Variants in PTPRD observed in about 807,000 individuals in gnomAD.
The protein encoded by PTPRD is receptor-type tyrosine-protein phosphatase delta.
PTPRD carries 34 observed loss-of-function variants against 214.5 expected under a neutral mutation model. The observed-to-expected ratio is 0.16, with a 90% confidence interval of 0.12 to 0.21. The LOEUF is 0.21. PTPRD is among the 10% of genes least tolerant of loss of function. PTPRD has a pLI of 1.00. For synonymous variants in PTPRD, 1,128 were observed against 845.7 expected (o/e 1.33, Z -5.79); for missense variants, 2,545 against 2,398.7 (o/e 1.06, Z -1.27).
At chr9:8,643,563 G>A (rs924423435) in intron 12 of PTPRD, among the ~76,000 whole-genome samples, 4 of 152,144 alleles carry the variant, frequency 2.6e-5, no homozygotes, top group Non-Finnish European at 4.4e-5. Flanking sequence ...CAGGGCATAG[G>A]GGAAGCGGGG....
chr9:9,254,287 C>A (rs1026234220), intron 9 of PTPRD, among the ~76,000 whole-genome samples: 1 of 151,852 alleles, frequency 6.6e-6, no homozygotes, highest in Non-Finnish European at 1.5e-5. Context: ...CAAAGTAAGT[C>A]TATATATTTT....
At chr9:8,429,709 G>A (rs1250472584) in intron 35 of PTPRD, among the ~76,000 whole-genome samples, 2 of 152,130 alleles carry the variant, frequency 1.3e-5, no homozygotes, top group Admixed American at 6.5e-5. Flanking sequence ...GGTGCTGAAT[G>A]GTGGGAGACA....
At chr9:8,463,065 T>C (rs1282561618) in intron 32 of PTPRD, among the ~76,000 whole-genome samples, 2 of 151,884 alleles carry the variant, frequency 1.3e-5, no homozygotes, top group Non-Finnish European at 1.5e-5. Context: ...TTGGTACATA[T>C]ATTTAAATGT....
At chr9:10,082,275 C>G (rs2098251715) in intron 3 of PTPRD, among the ~76,000 whole-genome samples, 1 of 152,114 alleles carries the variant, frequency 6.6e-6, no homozygotes, top group African/African-American at 2.4e-5. Flanking sequence ...AGAATTATCT[C>G]TCATCACCTT....
intron 3 of PTPRD, among the ~76,000 whole-genome samples, chr9:10,254,001 T>G (rs2093022564): frequency 6.6e-6 from 1 of 152,184 alleles, no homozygotes; most frequent in Non-Finnish European, 1.5e-5. Context: ...AATACATATG[T>G]AATTATGTTG....
chr9:8,972,652 A>G (rs996565618), intron 11 of PTPRD, among the ~76,000 whole-genome samples: 1 of 151,964 alleles, frequency 6.6e-6, no homozygotes, highest in Non-Finnish European at 1.5e-5. Flanking sequence ...TTCTTATAAA[A>G]ACACTTCACG....
chr9:8,520,667 T>C (rs2097870509), intron 20 of PTPRD, among the ~76,000 whole-genome samples: 1 of 152,174 alleles, frequency 6.6e-6, no homozygotes, highest in South Asian at 2.1e-4. Context: ...AAAATATTCA[T>C]GTAATATAGT....
At chr9:9,152,790 T>G (rs556245858) in intron 10 of PTPRD, among the ~76,000 whole-genome samples, 7 of 152,274 alleles carry the variant, frequency 4.6e-5, no homozygotes, top group African/African-American at 1.4e-4. Flanking sequence ...GGCTGTTGAG[T>G]AGACTTTGCA....
rs1166530719 is a variant in PTPRD, at chr9:8,439,935, A to ATTTTTTTTTTTTTTTT, written c.3989-3262_3989-3247dup. Among the ~76,000 whole-genome samples, 86 of 73,304 alleles carry ATTTTTTTTTTTTTTTT rather than the reference A, an allele frequency of 1.2e-3. 8 individuals are homozygous for ATTTTTTTTTTTTTTTT. The highest frequency in any genetic ancestry group is 1.9e-3 in the Non-Finnish European group (75 of 40,500). The allele number at this position is 73,304 out of a possible 152,430, so 48.1% of individuals were successfully genotyped here. A position where few individuals can be genotyped will look rare whatever the true frequency, so the allele number is the denominator to read the frequency against. ...CATTTAAATTACTTGATGTGCTTTA[A>ATTTTTTTTTTTTTTTT]TTTTTTTTTTTTTTTTTTTTTTTTT... On this transcript the variant is annotated intron_variant, in intron 34 of 45. Transcript: ENST00000381196.
chr9:9,058,596 C>T (rs1320577225), intron 10 of PTPRD, among the ~76,000 whole-genome samples: 1 of 150,616 alleles, frequency 6.6e-6, no homozygotes, highest in Non-Finnish European at 1.5e-5. Context: ...ACTACAGGCT[C>T]CCGCCACCTC....
intron 7 of PTPRD, among the ~76,000 whole-genome samples, chr9:9,707,877 T>C (rs2097654483): frequency 6.6e-6 from 1 of 151,992 alleles, no homozygotes; most frequent in Non-Finnish European, 1.5e-5. Context: ...TGAAATTCCT[T>C]AGTCCTGTTA....
chr9:8,757,422 A>T (rs1445432428), intron 11 of PTPRD, among the ~76,000 whole-genome samples: 1 of 152,006 alleles, frequency 6.6e-6, no homozygotes, highest in African/African-American at 2.4e-5. Flanking sequence ...ACATTATCAG[A>T]AACTAATAAA....
intron 4 of PTPRD, among the ~76,000 whole-genome samples, chr9:9,940,724 C>T (rs2091223411): frequency 6.6e-6 from 1 of 152,134 alleles, no homozygotes; most frequent in Admixed American, 6.5e-5. Flanking sequence ...GAGCTCTTCA[C>T]CACTTGTTCT....
intron 39 of PTPRD, among the ~76,000 whole-genome samples, chr9:8,357,395 C>G (rs1000307671): frequency 1.3e-5 from 2 of 152,188 alleles, no homozygotes; most frequent in African/African-American, 2.4e-5. Context: ...CCTTGGCAGC[C>G]TCACTCATGG....
At chr9:9,544,060 C>T (rs1320893632) in intron 8 of PTPRD, among the ~76,000 whole-genome samples, 1 of 151,512 alleles carries the variant, frequency 6.6e-6, no homozygotes, top group Non-Finnish European at 1.5e-5. Flanking sequence ...TGCATCTAAG[C>T]TATTGCCCAT....
chr9:10,277,260 C>G (rs917612123), intron 3 of PTPRD, among the ~76,000 whole-genome samples: 2 of 112,890 alleles, frequency 1.8e-5, no homozygotes, highest in East Asian at 5.0e-4. Flanking sequence ...AAAAAAACAA[C>G]AAACCCTGAG....
intron 14 of PTPRD, among the ~76,000 whole-genome samples, chr9:8,602,304 AC>A (rs1179281487): frequency 6.6e-6 from 1 of 152,162 alleles, no homozygotes; most frequent in African/African-American, 2.4e-5. Flanking sequence ...GCTGGCATAC[AC>A]CTTCCTCATT....
intron 11 of PTPRD, among the ~76,000 whole-genome samples, chr9:8,752,199 G>C (rs575613334): frequency 6.6e-6 from 1 of 152,130 alleles, no homozygotes; most frequent in African/African-American, 2.4e-5. Flanking sequence ...GATGAGATAG[G>C]AGGTCCGCAC....
At chr9:9,596,671 AG>A (rs1203348212) in intron 7 of PTPRD, among the ~76,000 whole-genome samples, 2 of 152,064 alleles carry the variant, frequency 1.3e-5, no homozygotes, top group Non-Finnish European at 2.9e-5. Flanking sequence ...TCAGTATTAA[AG>A]ACTTGATTGT....
Sources: gnomAD v4.1 joint callset for allele counts (sites outside exome capture counted in the v4.1 genomes callset) on GRCh38, gnomAD v4.1.1 for gene constraint, MANE v1.5 for transcripts, NCBI Gene and HGNC (gene_info 2026-07-23, HGNC 2026-07-21) for gene names.